Variants in RRM2 observed in about 807,000 individuals in gnomAD.
The protein encoded by RRM2 is ribonucleotide reductase regulatory subunit M2, also known as ribonucleoside-diphosphate reductase subunit M2.
In RRM2, 6 loss-of-function variants were observed where a neutral mutation model predicts 45.9. That is an observed-to-expected ratio of 0.13 (90% CI 0.07 to 0.26). The LOEUF (loss-of-function observed/expected upper bound fraction) is 0.26, where lower values mean the gene tolerates loss of function less well. Among genes scored for constraint, RRM2 ranks in the 10% least tolerant of loss-of-function variants. RRM2 has a pLI of 1.00. For synonymous variants in RRM2, 177 were observed against 173.0 expected (o/e 1.02, Z -0.18); for missense variants, 343 against 489.5 (o/e 0.70, Z 2.82).
At chr2:10,181,052 C>T (rs951980200) in intron 3 of RRM2, among the ~76,000 whole-genome samples, 1 of 152,222 alleles carries the variant, frequency 6.6e-6, no homozygotes, top group Admixed American at 6.5e-5. Context: ...CAGGTGTGAG[C>T]CACCGCACCC....
chr2:10,161,851 G>A (rs556716104), intron 3 of RRM2, among the ~76,000 whole-genome samples: 18 of 152,316 alleles, frequency 1.2e-4, no homozygotes, highest in African/African-American at 4.1e-4. Flanking sequence ...CAGCTAAGAG[G>A]CAAGGCTGAG....
intron 3 of RRM2, among the ~76,000 whole-genome samples, chr2:10,162,684 C>T (rs999302052): frequency 6.6e-6 from 1 of 151,308 alleles, no homozygotes; most frequent in African/African-American, 2.4e-5. Context: ...CCCCCCGCCG[C>T]CCCCCACCCC....
At chr2:10,137,967 C>T (rs1040114359), upstream of RRM2, among the ~76,000 whole-genome samples, 7 of 152,082 alleles carry the variant, frequency 4.6e-5, no homozygotes, top group Non-Finnish European at 1.0e-4. Flanking sequence ...GTGCAGGGGC[C>T]GCTGCAGCAA....
Position 10,169,691 on chromosome 2 carries a change from C to G in RRM2, n.482+27316C>G, listed in dbSNP as rs1009399199. On this transcript the variant is annotated intron_variant and non_coding_transcript_variant, in intron 3 of 3. Coordinates refer to the RRM2 transcript ENST00000381786. The surrounding 1 kb of genome is among the most constrained non-coding windows in gnomAD (Gnocchi z 5.1). ...TGGCCCCCTCGAGGTCTGCACAGCC[C>G]TGAGTGCTCATGCCATGAAAATGAG... Among the ~76,000 whole-genome samples, 1 of 152,162 alleles carries G rather than the reference C, an allele frequency of 6.6e-6. No homozygotes were observed. The highest frequency in any genetic ancestry group is 2.4e-5 in the African/African-American group (1 of 41,420).
chr2:10,197,807 G>A (rs1272660766), intron 3 of RRM2, among the ~76,000 whole-genome samples: 1 of 152,132 alleles, frequency 6.6e-6, no homozygotes, highest in African/African-American at 2.4e-5. Flanking sequence ...GTTTCCCAGG[G>A]CCCAGCAGAG....
chr2:10,124,200 G>T, intron 4 of RRM2: 1 of 267,446 alleles, frequency 3.7e-6, no homozygotes, highest in Non-Finnish European at 7.2e-6. Context: ...CCGCCTCCTG[G>T]GTTCAAGCGA....
chr2:10,148,849 G>A (rs1663246185), intron 3 of RRM2, among the ~76,000 whole-genome samples: 2 of 152,044 alleles, frequency 1.3e-5, no homozygotes, highest in Admixed American at 6.6e-5. Flanking sequence ...TATATGATGG[G>A]TCCTTTGTAG....
At chr2:10,154,164 G>A (rs985837083) in intron 3 of RRM2, among the ~76,000 whole-genome samples, 4 of 152,186 alleles carry the variant, frequency 2.6e-5, no homozygotes, top group African/African-American at 9.7e-5. Context: ...CAGCATAAAT[G>A]TGAATTAAAA....
chr2:10,144,660 C>T (rs1393739833), intron 3 of RRM2, among the ~76,000 whole-genome samples: 1 of 152,184 alleles, frequency 6.6e-6, no homozygotes, highest in South Asian at 2.1e-4. Flanking sequence ...GCTTCTACTT[C>T]CTTTTGAACG....
rs1298651340 is a variant in RRM2 at position 10,171,093 on chromosome 2, A to G, written n.482+28718A>G. 6.6e-6 allele frequency among the ~76,000 whole-genome samples: 1 copy of G among 152,122 alleles called. No individual in the cohort carries two copies. Among genetic ancestry groups the G allele is most frequent in the Non-Finnish European group, 1.5e-5 (1 of 68,022 alleles). The stretch of plus-strand genomic sequence containing the variant: ...AGCACAGGCTGCGCCACTCATCATT[A>G]TAGGCTGCGCCACTCATTATAGGCT... On this transcript the variant is annotated intron_variant and non_coding_transcript_variant, in intron 3 of 3. Transcript: ENST00000381786. The surrounding 1 kb of genome is among the most constrained non-coding windows in gnomAD (Gnocchi z 4.1).
upstream of RRM2, chr2:10,122,607 A>G (rs1225892161): frequency 7.9e-6 from 12 of 1,511,158 alleles, no homozygotes; most frequent in African/African-American, 1.4e-5. Context: ...GGGTAGGGGC[A>G]AGGCGCAGCC....
At chr2:10,123,982 T>C (rs1662727145) in intron 4 of RRM2, 130 bp downstream of exon 4, 3 of 679,604 alleles carry the variant, frequency 4.4e-6, no homozygotes, top group Admixed American at 4.6e-5. Flanking sequence ...TTATATTACA[T>C]GGCATTTCCT....
At chr2:10,138,873 C>T (rs1663034551), upstream of RRM2, among the ~76,000 whole-genome samples, 1 of 152,048 alleles carries the variant, frequency 6.6e-6, no homozygotes. Context: ...TTTGGGAGGC[C>T]AAGGTGGGCG....
At chr2:10,150,749 A>G (rs1317836959) in intron 3 of RRM2, among the ~76,000 whole-genome samples, 1 of 146,334 alleles carries the variant, frequency 6.8e-6, no homozygotes, top group Non-Finnish European at 1.5e-5. Flanking sequence ...TTTCATGTAA[A>G]TAGAATCCTA....
Position 10,162,145 on chromosome 2 carries a change from T to C in RRM2, n.482+19770T>C, listed in dbSNP as rs141182854. Among the ~76,000 whole-genome samples the C allele has an allele frequency of 3.3e-3, 497 of 152,260 alleles. 3 individuals carry two copies. The highest frequency in any genetic ancestry group is 0.011 in the African/African-American group (453 of 41,554). On this transcript the variant is annotated intron_variant and non_coding_transcript_variant, in intron 3 of 3. Transcript: ENST00000381786. ...TGTCAACAGTGATACACCTGCTGTT[T>C]AGTGGGAAGAGAGGTGCCAAGAGTG... is the stretch of plus-strand genomic sequence containing the variant.
chr2:10,197,354 G>A (rs557682866), intron 3 of RRM2, among the ~76,000 whole-genome samples: 28 of 152,298 alleles, frequency 1.8e-4, no homozygotes, highest in Non-Finnish European at 3.5e-4. Context: ...CTGGCTCTTC[G>A]TTTCGTCATG....
chr2:10,192,422 C>T (rs760252107), intron 3 of RRM2, among the ~76,000 whole-genome samples: 5 of 152,174 alleles, frequency 3.3e-5, no homozygotes, highest in African/African-American at 4.8e-5. Flanking sequence ...TACAGCAGCT[C>T]GGGGAGCTCC....
intron 3 of RRM2, among the ~76,000 whole-genome samples, chr2:10,162,605 T>G (rs1156911392): frequency 6.6e-6 from 1 of 152,150 alleles, no homozygotes; most frequent in Non-Finnish European, 1.5e-5. Flanking sequence ...CACTTTTTTC[T>G]GGGAGGGATG....
chr2:10,189,622 T>A (rs1051157370), intron 3 of RRM2, among the ~76,000 whole-genome samples: 4 of 152,206 alleles, frequency 2.6e-5, no homozygotes, highest in African/African-American at 9.6e-5. Flanking sequence ...CACAGCCCCA[T>A]CCTCCATCCC....
Sources: allele counts gnomAD v4.1 joint callset (sites outside exome capture counted in the v4.1 genomes callset), GRCh38; gene constraint gnomAD v4.1.1; non-coding constraint Gnocchi (gnomAD v3.1); transcripts MANE v1.5; gene names NCBI Gene and HGNC (gene_info 2026-07-23, HGNC 2026-07-21).